CDC14A: variants seen among roughly 807,000 people sequenced by gnomAD.
The protein encoded by CDC14A is cell division cycle 14A, also known as dual specificity protein phosphatase CDC14A.
Under a neutral mutation model 74.4 loss-of-function variants are expected in CDC14A, and 53 were observed. That is an observed-to-expected ratio of 0.71 (90% CI 0.57 to 0.89). The LOEUF is 0.89. Ranked by LOEUF, CDC14A falls within the 40% of genes least tolerant of loss-of-function variation. The probability of loss-of-function intolerance (pLI) is 0.00; values close to 1 mark genes in which losing one functional copy is unlikely to be tolerated. For synonymous variants in CDC14A, 247 were observed against 258.4 expected (o/e 0.96, Z 0.43); for missense variants, 646 against 713.7 (o/e 0.91, Z 1.08).
chr1:100,429,105 G>T (rs763614210), intron 5 of CDC14A, among the ~76,000 whole-genome samples: 41 of 151,968 alleles, frequency 2.7e-4, no homozygotes, highest in Non-Finnish European at 5.4e-4. Flanking sequence ...TCGGGAGGCT[G>T]AGGCAGGAGA....
At chr1:100,359,875 C>G (rs538526985) in intron 2 of CDC14A, among the ~76,000 whole-genome samples, 8 of 151,592 alleles carry the variant, frequency 5.3e-5, no homozygotes, top group African/African-American at 1.7e-4. Context: ...TTTCTTCCCC[C>G]CTTTTTCTTC....
chr1:100,377,442 T>G, intron 2 of CDC14A, 104 bp from the exon 3 acceptor site: 2 of 769,980 alleles, frequency 2.6e-6, no homozygotes, highest in Non-Finnish European at 2.2e-6. Flanking sequence ...TATAAGATAA[T>G]TGAAATTTGA....
At chr1:100,418,713 G>A (rs1165122498) in intron 4 of CDC14A, among the ~76,000 whole-genome samples, 1 of 152,198 alleles carries the variant, frequency 6.6e-6, no homozygotes, top group Non-Finnish European at 1.5e-5. Context: ...GGTCCAGGTA[G>A]TTCACTGCGG....
At chr1:100,491,059 A>G (rs944984833) in intron 11 of CDC14A, among the ~76,000 whole-genome samples, 3 of 152,186 alleles carry the variant, frequency 2.0e-5, no homozygotes, top group Admixed American at 1.3e-4. Flanking sequence ...CCATGTATAT[A>G]TAAGAGTATG....
At chr1:100,412,726 T>TATATATATATATATATAAA (rs1660966679) in intron 4 of CDC14A, among the ~76,000 whole-genome samples, 1 of 80,238 alleles carries the variant, frequency 1.2e-5, no homozygotes, top group Non-Finnish European at 2.2e-5. Context: ...ATATATATTT[T>TATATATATATATATATAAA]ATATATATAT....
intron 2 of CDC14A, among the ~76,000 whole-genome samples, chr1:100,354,120 C>T (rs1397989394): frequency 6.6e-6 from 1 of 152,168 alleles, no homozygotes; most frequent in African/African-American, 2.4e-5. Context: ...TCCTAACATT[C>T]CCCAGAGTAG....
intron 2 of CDC14A, among the ~76,000 whole-genome samples, chr1:100,368,356 A>G (rs1278140781): frequency 1.3e-5 from 2 of 152,188 alleles, no homozygotes; most frequent in East Asian, 1.9e-4. Flanking sequence ...GTACAGATCA[A>G]CTTAAGGATA....
intron 10 of CDC14A, among the ~76,000 whole-genome samples, chr1:100,471,146 G>T (rs7528911): frequency 1.3e-5 from 2 of 151,884 alleles, no homozygotes; most frequent in Non-Finnish European, 2.9e-5. Context: ...TCATATTATT[G>T]TAAGAGGAAA....
rs756422848 is a variant in CDC14A at position 100,499,110 on chromosome 1, C to T, written c.1603C>T (p.Gln535Ter). The stretch of plus-strand genomic sequence containing the variant: ...AAATTACCCTGAGCTCAACAATAAT[C>T]AGTACAACAGAAGCAGCAACAGCAA... ...TRNYPELNNNQYNRSSNSNGG... is the reference protein window; with the variant it reads ...TRNYPELNNN Residue 535 changes from glutamine to a stop codon, truncating the protein, a stop_gained, in exon 15 of 16, where the codon CAG becomes TAG. Transcript: ENST00000336454. LOFTEE classifies it high-confidence loss of function. 6.2e-7 allele frequency: 1 copy of T among 1,614,200 alleles called. No individual in the cohort carries two copies. Among genetic ancestry groups the T allele is most frequent in the Non-Finnish European group, 8.5e-7 (1 of 1,180,046 alleles).
intron 7 of CDC14A, among the ~76,000 whole-genome samples, chr1:100,449,750 G>C (rs1232929613): frequency 6.6e-6 from 1 of 152,148 alleles, no homozygotes; most frequent in African/African-American, 2.4e-5. Context: ...TACTAGCACA[G>C]TACACTCATA....
intron 11 of CDC14A, among the ~76,000 whole-genome samples, chr1:100,488,729 T>C (rs945673126): frequency 9.9e-5 from 15 of 152,216 alleles, no homozygotes; most frequent in African/African-American, 3.4e-4. Flanking sequence ...GTGTTTTAAT[T>C]ACATCTTTGA....
intron 3 of CDC14A, among the ~76,000 whole-genome samples, chr1:100,386,555 G>A (rs896115086): frequency 2.2e-4 from 33 of 151,934 alleles, no homozygotes; most frequent in African/African-American, 7.5e-4. Context: ...CTGCACTTTG[G>A]GAGGCTGGGG....
intron 10 of CDC14A, among the ~76,000 whole-genome samples, chr1:100,476,286 C>G (rs1283089697): frequency 6.6e-6 from 1 of 152,182 alleles, no homozygotes; most frequent in Non-Finnish European, 1.5e-5. Context: ...AACCCCGTCT[C>G]TACTAAAAAT....
At chr1:100,422,927 T>C (rs943943120) in intron 4 of CDC14A, among the ~76,000 whole-genome samples, 1 of 152,162 alleles carries the variant, frequency 6.6e-6, no homozygotes, top group Non-Finnish European at 1.5e-5. Flanking sequence ...AGGAAAACCC[T>C]ACTGTTAAGA....
chr1:100,467,094 GT>G (rs1667911423), intron 9 of CDC14A, among the ~76,000 whole-genome samples: 1 of 150,000 alleles, frequency 6.7e-6, no homozygotes, highest in African/African-American at 2.5e-5. Flanking sequence ...TGTAAAAAAG[GT>G]TGAGGAACAC....
chr1:100,359,697 G>A (rs527529509), intron 2 of CDC14A, among the ~76,000 whole-genome samples: 4 of 152,048 alleles, frequency 2.6e-5, no homozygotes, highest in Admixed American at 6.5e-5. Context: ...ACGTGAAAAC[G>A]AAAGAAGCCC....
intron 5 of CDC14A, among the ~76,000 whole-genome samples, chr1:100,427,041 T>C (rs1471742819): frequency 6.6e-6 from 1 of 152,192 alleles, no homozygotes; most frequent in East Asian, 1.9e-4. Flanking sequence ...CTAAGACTAA[T>C]GGACTTCTAT....
intron 6 of CDC14A, among the ~76,000 whole-genome samples, chr1:100,442,307 T>C (rs1665022762): frequency 6.8e-6 from 1 of 147,170 alleles, no homozygotes; most frequent in Non-Finnish European, 1.5e-5. Context: ...ATATTATGTA[T>C]TGTATATATA....
At chr1:100,448,980 C>A (rs17122530) in intron 7 of CDC14A, among the ~76,000 whole-genome samples, 1,849 of 152,174 alleles carry the variant, frequency 0.012, 40 homozygotes, top group African/African-American at 0.042. Context: ...TGCTTCAAGC[C>A]CCTACTTTTA....
Sources: allele counts gnomAD v4.1 joint callset (sites outside exome capture counted in the v4.1 genomes callset), GRCh38; gene constraint gnomAD v4.1.1; transcripts MANE v1.5; gene names NCBI Gene and HGNC (gene_info 2026-07-23, HGNC 2026-07-21).